Variants in CADPS2 observed in about 807,000 individuals in gnomAD.
CADPS2 encodes calcium dependent secretion activator 2, also known as calcium-dependent secretion activator 2.
CADPS2 carries 93 observed loss-of-function variants against 172.5 expected under a neutral mutation model. That is an observed-to-expected ratio of 0.54 (90% confidence interval 0.46 to 0.64). The LOEUF (loss-of-function observed/expected upper bound fraction) is 0.64, where lower values mean the gene tolerates loss of function less well. CADPS2 is among the 30% of genes least tolerant of loss of function. The pLI, the probability that CADPS2 is intolerant of heterozygous loss-of-function variation, is 0.00. For missense variants in CADPS2, 1,420 were observed against 1,565.9 expected, an observed-to-expected ratio of 0.91 and a Z score of 1.57; for synonymous variants, 546 against 555.2, an observed-to-expected ratio of 0.98 and a Z score of 0.23.
At chr7:122,763,198 T>C (rs750398290) in intron 1 of CADPS2, among the ~76,000 whole-genome samples, 2 of 152,156 alleles carry the variant, frequency 1.3e-5, no homozygotes, top group Non-Finnish European at 2.9e-5. Flanking sequence ...TATAATCATA[T>C]TGCATAGCAA....
At chr7:122,322,196 T>C (rs1214491089) in intron 29 of CADPS2, among the ~76,000 whole-genome samples, 1 of 152,260 alleles carries the variant, frequency 6.6e-6, no homozygotes, top group Non-Finnish European at 1.5e-5. Context: ...AAAGTATTAT[T>C]GTTCCACTAA....
At chr7:122,784,011 AT>A (rs752765021) in intron 1 of CADPS2, among the ~76,000 whole-genome samples, 3 of 152,168 alleles carry the variant, frequency 2.0e-5, no homozygotes, top group Non-Finnish European at 2.9e-5. Flanking sequence ...CCCTCACTAA[AT>A]TGGAAATTTT....
chr7:122,658,115 T>C (rs919957710), intron 3 of CADPS2, among the ~76,000 whole-genome samples: 6 of 152,204 alleles, frequency 3.9e-5, no homozygotes, highest in African/African-American at 1.4e-4. Flanking sequence ...AAGACATTTA[T>C]GCAGCCAACA....
chr7:122,663,305 A>G lies in CADPS2; in HGVS notation c.718T>C (p.Tyr240His). The change falls in exon 3 of 30, where the codon TAT becomes CAT. Residue 240 changes from tyrosine (Y) to histidine (H), a missense_variant. Physicochemically the swap from Tyr to His is moderately conservative, Grantham distance 83. Transcript: ENST00000449022. ...SELILSKEQL[Y>H]EMFQQILGIK... Reference sequence around the variant, plus strand: ...CCCAGAATCTGCTGAAACATTTCATAGAGTTGTTCCTTGCTCAGAATAAGT... The same window carrying G: ...CCCAGAATCTGCTGAAACATTTCATGGAGTTGTTCCTTGCTCAGAATAAGT... The G allele has an allele frequency of 6.2e-7, 1 of 1,613,728 alleles. No homozygotes were observed. Among genetic ancestry groups the G allele is most frequent in the East Asian group, 2.2e-5 (1 of 44,874 alleles).
At chr7:122,348,043 C>T (rs561723261) in intron 27 of CADPS2, among the ~76,000 whole-genome samples, 3 of 152,156 alleles carry the variant, frequency 2.0e-5, no homozygotes, top group Non-Finnish European at 2.9e-5. Flanking sequence ...TAGTTGGGTA[C>T]AGCCCAGTTG....
intron 14 of CADPS2, among the ~76,000 whole-genome samples, chr7:122,459,492 T>A (rs56250059): frequency 1.3e-5 from 2 of 152,156 alleles, no homozygotes; most frequent in Non-Finnish European, 2.9e-5. Context: ...CTGCAGTGCA[T>A]GAAATTATTA....
intron 1 of CADPS2, among the ~76,000 whole-genome samples, chr7:122,773,253 GA>G (rs1255203263): frequency 6.6e-6 from 1 of 151,960 alleles, no homozygotes; most frequent in African/African-American, 2.4e-5. Context: ...CCATATCATG[GA>G]AACTGGTAGA....
chr7:122,597,640 T>C (rs1424518226), intron 6 of CADPS2, among the ~76,000 whole-genome samples: 1 of 152,116 alleles, frequency 6.6e-6, no homozygotes, highest in East Asian at 1.9e-4. Flanking sequence ...AATTCTTCCC[T>C]GAAATAAAAA....
intron 11 of CADPS2, among the ~76,000 whole-genome samples, chr7:122,481,853 A>G (rs1418354153): frequency 6.6e-6 from 1 of 152,082 alleles, no homozygotes; most frequent in Non-Finnish European, 1.5e-5. Context: ...TCTACTAAAA[A>G]TACAAAAATT....
At chr7:122,648,575 T>C (rs2078804760) in intron 3 of CADPS2, among the ~76,000 whole-genome samples, 1 of 151,652 alleles carries the variant, frequency 6.6e-6, no homozygotes, top group African/African-American at 2.4e-5. Context: ...AAAACAAAAA[T>C]ACCCTAATCA....
chr7:122,839,745 A>C (rs1377184820), intron 1 of CADPS2, among the ~76,000 whole-genome samples: 5 of 152,194 alleles, frequency 3.3e-5, no homozygotes, highest in Non-Finnish European at 7.3e-5. Context: ...ATCTCACACC[A>C]GTTAGAATGG....
At chr7:122,781,896 C>T (rs566856847) in intron 1 of CADPS2, among the ~76,000 whole-genome samples, 4 of 152,212 alleles carry the variant, frequency 2.6e-5, no homozygotes, top group East Asian at 1.9e-4. Flanking sequence ...AATAAAAAGG[C>T]TTTAATTCTG....
intron 14 of CADPS2, among the ~76,000 whole-genome samples, chr7:122,460,929 C>T (rs1271194615): frequency 6.6e-6 from 1 of 152,164 alleles, no homozygotes; most frequent in Non-Finnish European, 1.5e-5. Flanking sequence ...AAACTACGGC[C>T]TTTCATCTGC....
chr7:122,819,957 A>C (rs898662460), intron 1 of CADPS2, among the ~76,000 whole-genome samples: 2 of 152,274 alleles, frequency 1.3e-5, no homozygotes, highest in Non-Finnish European at 2.9e-5. Flanking sequence ...TGTTATCACT[A>C]GCCTGCTACA....
intron 1 of CADPS2, among the ~76,000 whole-genome samples, chr7:122,841,152 G>T (rs1810370222): frequency 6.6e-6 from 1 of 152,032 alleles, no homozygotes; most frequent in South Asian, 2.1e-4. Flanking sequence ...ATATTTCTTG[G>T]AATATTAGTC....
intron 2 of CADPS2, among the ~76,000 whole-genome samples, chr7:122,719,799 A>G (rs2090146757): frequency 6.6e-6 from 1 of 152,134 alleles, no homozygotes; most frequent in African/African-American, 2.4e-5. Flanking sequence ...GTGATTGAAA[A>G]AAATCATGAC....
intron 8 of CADPS2, among the ~76,000 whole-genome samples, chr7:122,553,065 T>C (rs2064525264): frequency 6.6e-6 from 1 of 152,108 alleles, no homozygotes; most frequent in Admixed American, 6.6e-5. Context: ...ACCTGATAAA[T>C]TTATCCTTCA....
chr7:122,389,138 G>A (rs1431359788), intron 22 of CADPS2, among the ~76,000 whole-genome samples: 3 of 151,954 alleles, frequency 2.0e-5, no homozygotes, highest in East Asian at 1.9e-4. Context: ...TACCTTTGCC[G>A]TTATTCATGC....
chr7:122,597,114 T>A (rs2071932500), intron 6 of CADPS2, among the ~76,000 whole-genome samples: 1 of 152,056 alleles, frequency 6.6e-6, no homozygotes, highest in African/African-American at 2.4e-5. Context: ...GATCTGCCAC[T>A]ATGAGCAAAC....
Sources: allele counts gnomAD v4.1 joint callset (sites outside exome capture counted in the v4.1 genomes callset), GRCh38; gene constraint gnomAD v4.1.1; transcripts MANE v1.5; gene names NCBI Gene and HGNC (gene_info 2026-07-23, HGNC 2026-07-21).